HSD17B3: variants seen among roughly 807,000 people sequenced by gnomAD.
HSD17B3 encodes the protein 17-beta-hydroxysteroid dehydrogenase type 3.
A neutral mutation model predicts 41.1 loss-of-function variants in HSD17B3; 29 were observed. The ratio of observed to expected loss-of-function variants is 0.71; its 90% CI spans 0.53 to 0.96. HSD17B3 has a LOEUF of 0.96. Among genes scored for constraint, HSD17B3 ranks in the 40% least tolerant of loss-of-function variants. HSD17B3 has a pLI of 0.00. For missense variants in HSD17B3, 323 were observed against 374.6 expected, an observed-to-expected ratio of 0.86 and a Z score of 1.14; for synonymous variants, 126 against 145.6, an observed-to-expected ratio of 0.87 and a Z score of 0.97.
intron 3 of HSD17B3, 119 bp from the exon 4 acceptor site, chr9:96,253,029 C>T: frequency 4.0e-6 from 3 of 749,302 alleles, no homozygotes; most frequent in Non-Finnish European, 7.3e-6. Context: ...AGCCCATTGC[C>T]CCAAATAAAA....
Position 96,299,604 on chromosome 9 carries a change from A to C in HSD17B3, c.155-1142T>G, listed in dbSNP as rs1470646045. 2.0e-5 allele frequency among the ~76,000 whole-genome samples: 3 copies of C among 152,232 alleles called. No individual in the cohort carries two copies. In the East Asian group the frequency reaches 5.8e-4, roughly 29 times the overall value. On this transcript the variant is annotated intron_variant, in intron 1 of 10. Coordinates refer to ENST00000375263, the MANE Select transcript of HSD17B3 (RefSeq NM_000197.2). ...CATCATCTCATTTAATGTTCAAAACAAACCTAAAATGCAGGGACCATCATT... is the reference window on the plus strand; with the variant it reads ...CATCATCTCATTTAATGTTCAAAACCAACCTAAAATGCAGGGACCATCATT...
chr9:96,290,764 G>A (rs1482198428), intron 2 of HSD17B3, among the ~76,000 whole-genome samples: 1 of 151,630 alleles, frequency 6.6e-6, no homozygotes, highest in Non-Finnish European at 1.5e-5. Context: ...AAACCAGAAG[G>A]CAAAGTTTGC....
At position 96,246,370 on chromosome 9, in the gene HSD17B3, G is replaced by A; in HGVS notation, c.524+186C>T. On this transcript the variant is annotated intron_variant, in intron 7 of 10. Coordinates refer to ENST00000375263, the MANE Select transcript of HSD17B3 (RefSeq NM_000197.2). ...GTTTGACCTTCACATGAGCTTGTCTGTCTGCAGAGCTGGCCTGGCCCAGAA... is the reference window on the plus strand; with the variant it reads ...GTTTGACCTTCACATGAGCTTGTCTATCTGCAGAGCTGGCCTGGCCCAGAA... 10 of 662,270 alleles carry A rather than the reference G, an allele frequency of 1.5e-5. No homozygotes were observed. In the South Asian group the frequency reaches 1.7e-4, roughly 11 times the overall value. The allele number at this position is 662,270 out of a possible 1,614,324, so 41.0% of individuals were successfully genotyped here. A position where few individuals can be genotyped will look rare whatever the true frequency, so the allele number is the denominator to read the frequency against.
intron 2 of HSD17B3, among the ~76,000 whole-genome samples, chr9:96,265,162 G>A (rs759653059): frequency 4.6e-5 from 7 of 152,218 alleles, no homozygotes; most frequent in Non-Finnish European, 1.0e-4. Context: ...GTTGGAAACA[G>A]AGGAGTTGTT....
At chr9:96,268,547 T>C (rs562159781) in intron 2 of HSD17B3, among the ~76,000 whole-genome samples, 2 of 149,526 alleles carry the variant, frequency 1.3e-5, no homozygotes, top group Admixed American at 1.5e-4. Flanking sequence ...GTCTTACAGA[T>C]AGATTCTATC....
intron 2 of HSD17B3, among the ~76,000 whole-genome samples, chr9:96,285,609 T>C (rs1412585604): frequency 6.6e-6 from 1 of 152,190 alleles, no homozygotes; most frequent in Non-Finnish European, 1.5e-5. Flanking sequence ...AGTTGTACTC[T>C]TTGTGTAGGA....
Position 96,261,479 on chromosome 9 carries a change from G to A in HSD17B3, c.202-6536C>T, listed in dbSNP as rs1405797818. Among the ~76,000 whole-genome samples, 3 of 152,220 alleles carry A rather than the reference G, an allele frequency of 2.0e-5. No individual in the cohort carries two copies. The East Asian group carries it at 5.8e-4, about 29-fold the overall frequency. On this transcript the variant is annotated intron_variant, in intron 2 of 10. Transcript: ENST00000375263. ...CAAAGTGCTGGGATTACAGGCATGA[G>A]CCACTGCACTTGGCCCAAAACTTCT...
intron 6 of HSD17B3, chr9:96,249,522 C>A: frequency 1.7e-6 from 1 of 585,874 alleles, no homozygotes; most frequent in Non-Finnish European, 3.1e-6. Context: ...TGTGACAAAA[C>A]TGAAAGCAGA....
intron 2 of HSD17B3, among the ~76,000 whole-genome samples, chr9:96,294,469 T>A (rs536556979): frequency 1.3e-5 from 2 of 152,116 alleles, no homozygotes; most frequent in Non-Finnish European, 2.9e-5. Context: ...AATAAAGAAA[T>A]GAATGGCTAA....
At chr9:96,258,328 T>C (rs1825742405) in intron 2 of HSD17B3, among the ~76,000 whole-genome samples, 4 of 152,240 alleles carry the variant, frequency 2.6e-5, no homozygotes, top group African/African-American at 2.4e-5. Flanking sequence ...GTTTTTCAAA[T>C]TGGGTGCCTA....
chr9:96,278,250 GTT>G (rs1321963718), intron 2 of HSD17B3, among the ~76,000 whole-genome samples: 1 of 151,930 alleles, frequency 6.6e-6, no homozygotes. Context: ...TGTAAATCTC[GTT>G]TTCTCACCCC....
chr9:96,264,510 T>C (rs902361611), intron 2 of HSD17B3, among the ~76,000 whole-genome samples: 4 of 152,140 alleles, frequency 2.6e-5, no homozygotes, highest in African/African-American at 9.7e-5. Flanking sequence ...AGACCTGTTT[T>C]ATTGTTGCTG....
intron 2 of HSD17B3, among the ~76,000 whole-genome samples, chr9:96,286,867 T>A (rs1826941741): frequency 6.6e-6 from 1 of 152,208 alleles, no homozygotes; most frequent in Non-Finnish European, 1.5e-5. Context: ...GTTTAGCATA[T>A]CATCAAGAAA....
chr9:96,249,544 G>T, intron 6 of HSD17B3: 1 of 605,990 alleles, frequency 1.7e-6, no homozygotes, highest in East Asian at 2.8e-5. Flanking sequence ...ATAGAATTCA[G>T]ATACAAGGGA....
At chr9:96,243,574 G>C (rs988978538) in intron 9 of HSD17B3, among the ~76,000 whole-genome samples, 19 of 152,184 alleles carry the variant, frequency 1.2e-4, no homozygotes, top group African/African-American at 4.6e-4. Flanking sequence ...ATTTCTAATA[G>C]TATATCGTAA....
rs8190536 is a variant in HSD17B3 at position 96,254,638 on chromosome 9, C to G, written c.277+230G>C. 0.25 allele frequency among the ~76,000 whole-genome samples: 37,481 copies of G among 152,094 alleles called. 5,520 individuals carry two copies. Among genetic ancestry groups the G allele is most frequent in the African/African-American group, 0.4 (16,678 of 41,458 alleles). ...GAACCCACCCAAAGGAGAGAGCAGA[C>G]CTATTTGTGCCTCAGTTAGTTCCTG... is the stretch of plus-strand genomic sequence containing the variant. On this transcript the variant is annotated intron_variant, in intron 3 of 10. Transcript: ENST00000375263.
chr9:96,301,926 A>T (rs748613560), intron 1 of HSD17B3, 25 bp downstream of exon 1: 1 of 1,612,894 alleles, frequency 6.2e-7, no homozygotes, highest in South Asian at 1.1e-5. Flanking sequence ...GCAGCAAAAA[A>T]ACATGAGATG....
intron 2 of HSD17B3, among the ~76,000 whole-genome samples, chr9:96,287,262 TGCA>T (rs1386569325): frequency 1.3e-5 from 2 of 152,250 alleles, no homozygotes; most frequent in African/African-American, 4.8e-5. Flanking sequence ...AGCCCAGTGG[TGCA>T]GGTCAGCCTC....
chr9:96,245,266 C>A, intron 8 of HSD17B3, 79 bp downstream of exon 8: 1 of 1,092,620 alleles, frequency 9.2e-7, no homozygotes, highest in Non-Finnish European at 1.4e-6. Flanking sequence ...CATCAACTTG[C>A]CAGATGATCA....
Sources: allele counts gnomAD v4.1 joint callset (sites outside exome capture counted in the v4.1 genomes callset), GRCh38; gene constraint gnomAD v4.1.1; transcripts MANE v1.5; gene names NCBI Gene and HGNC (gene_info 2026-07-23, HGNC 2026-07-21).